Variants in PIP5K1B observed in about 807,000 individuals in gnomAD.
The protein encoded by PIP5K1B is phosphatidylinositol 4-phosphate 5-kinase type-1 beta.
Under a neutral mutation model 67.0 loss-of-function variants are expected in PIP5K1B, and 42 were observed. The observed-to-expected ratio is 0.63, with a 90% confidence interval of 0.49 to 0.81. The LOEUF is 0.81. Among genes scored for constraint, PIP5K1B ranks in the 30% least tolerant of loss-of-function variants. PIP5K1B has a pLI of 0.00. For synonymous variants in PIP5K1B, 214 were observed against 231.4 expected (o/e 0.92, Z 0.68); for missense variants, 459 against 646.3 (o/e 0.71, Z 3.14).
intron 14 of PIP5K1B, among the ~76,000 whole-genome samples, chr9:68,949,070 T>A (rs1267241281): frequency 6.6e-6 from 1 of 152,106 alleles, no homozygotes; most frequent in African/African-American, 2.4e-5. Context: ...GGAAAACTGT[T>A]GGCCAATTTT....
intron 2 of PIP5K1B, among the ~76,000 whole-genome samples, chr9:68,766,326 A>G (rs896033673): frequency 3.3e-5 from 5 of 152,216 alleles, no homozygotes; most frequent in African/African-American, 7.2e-5. Flanking sequence ...AAATGTATCT[A>G]TCTTTGATTT....
At chr9:68,986,191 C>A (rs1263806008) in intron 14 of PIP5K1B, among the ~76,000 whole-genome samples, 2 of 152,178 alleles carry the variant, frequency 1.3e-5, no homozygotes, top group African/African-American at 4.8e-5. Context: ...ACCGTTTTAT[C>A]AAATACATTC....
intron 2 of PIP5K1B, among the ~76,000 whole-genome samples, chr9:68,757,344 C>T (rs765893430): frequency 3.3e-5 from 5 of 152,142 alleles, no homozygotes; most frequent in Admixed American, 6.5e-5. Flanking sequence ...TGGAAGGTGG[C>T]TTAAAAGAAA....
chr9:68,848,519 T>C (rs1313389055), intron 4 of PIP5K1B, among the ~76,000 whole-genome samples: 1 of 152,228 alleles, frequency 6.6e-6, no homozygotes, highest in Non-Finnish European at 1.5e-5. Flanking sequence ...TTATTTGTTA[T>C]TGCAAAAGTA....
intron 2 of PIP5K1B, among the ~76,000 whole-genome samples, chr9:68,805,834 A>G (rs927532133): frequency 6.6e-6 from 1 of 152,226 alleles, no homozygotes; most frequent in Non-Finnish European, 1.5e-5. Flanking sequence ...AAAGAACTCA[A>G]GTGAATGCTG....
intron 1 of PIP5K1B, among the ~76,000 whole-genome samples, chr9:68,741,011 C>G (rs935652359): frequency 6.6e-6 from 1 of 152,190 alleles, no homozygotes; most frequent in Non-Finnish European, 1.5e-5. Flanking sequence ...ATTAGTATTT[C>G]TAAATGCCAT....
At chr9:68,924,815 A>G (rs10869538) in intron 12 of PIP5K1B, among the ~76,000 whole-genome samples, 30,045 of 151,946 alleles carry the variant, frequency 0.2, 3,538 homozygotes, top group African/African-American at 0.33. Context: ...AAAGTCAAAC[A>G]CTTGCAATGT....
intron 14 of PIP5K1B, among the ~76,000 whole-genome samples, chr9:68,956,424 G>A (rs1306980557): frequency 3.3e-5 from 5 of 152,172 alleles, no homozygotes; most frequent in Admixed American, 6.5e-5. Flanking sequence ...AGCCAAAATC[G>A]TGCCACTGCA....
intron 14 of PIP5K1B, among the ~76,000 whole-genome samples, chr9:68,968,241 C>T (rs1829142288): frequency 6.6e-6 from 1 of 152,104 alleles, no homozygotes; most frequent in Non-Finnish European, 1.5e-5. Context: ...GTTCTGGGGC[C>T]AGGCATGGTG....
At chr9:68,755,507 A>G (rs1829880919) in intron 2 of PIP5K1B, among the ~76,000 whole-genome samples, 1 of 152,244 alleles carries the variant, frequency 6.6e-6, no homozygotes, top group Admixed American at 6.5e-5. Context: ...CTGTATAAGT[A>G]ACACAAGATT....
intron 7 of PIP5K1B, among the ~76,000 whole-genome samples, chr9:68,890,407 C>T (rs1013987159): frequency 6.6e-6 from 1 of 152,164 alleles, no homozygotes; most frequent in African/African-American, 2.4e-5. Context: ...ATGAAGCTGT[C>T]TGGATTTCAG....
intron 8 of PIP5K1B, among the ~76,000 whole-genome samples, chr9:68,898,838 C>T (rs779327149): frequency 5.9e-5 from 9 of 152,232 alleles, no homozygotes; most frequent in Non-Finnish European, 1.3e-4. Context: ...GGTTATTCAT[C>T]ACCTGGAGTT....
At chr9:68,762,911 T>C (rs1830250109) in intron 2 of PIP5K1B, among the ~76,000 whole-genome samples, 1 of 152,140 alleles carries the variant, frequency 6.6e-6, no homozygotes, top group African/African-American at 2.4e-5. Context: ...GTAGTCTATA[T>C]GAGTGGTACC....
chr9:68,968,701 A>G (rs1829171132), intron 14 of PIP5K1B, among the ~76,000 whole-genome samples: 1 of 138,966 alleles, frequency 7.2e-6, no homozygotes, highest in Admixed American at 7.1e-5. Flanking sequence ...CCTTGTTTAT[A>G]TATATATATA....
intron 2 of PIP5K1B, chr9:68,780,976 C>T: frequency 6.2e-7 from 1 of 1,614,236 alleles, no homozygotes; most frequent in Non-Finnish European, 8.5e-7. Context: ...CCTGTGTCAC[C>T]TGCCCAAGCG....
chr9:68,714,802 A>G (rs1243902529), intron 1 of PIP5K1B, among the ~76,000 whole-genome samples: 1 of 152,220 alleles, frequency 6.6e-6, no homozygotes, highest in Non-Finnish European at 1.5e-5. Context: ...TGGAAACTCC[A>G]GTGTAGCTCT....
At chr9:68,722,949 G>A (rs569644491) in intron 1 of PIP5K1B, among the ~76,000 whole-genome samples, 24 of 151,798 alleles carry the variant, frequency 1.6e-4, no homozygotes, top group Middle Eastern at 3.4e-3. Flanking sequence ...TCATCCCCTC[G>A]TCTCCCCTAC....
At chr9:68,799,779 C>A (rs151259124) in intron 2 of PIP5K1B, among the ~76,000 whole-genome samples, 2 of 152,154 alleles carry the variant, frequency 1.3e-5, no homozygotes, top group African/African-American at 4.8e-5. Context: ...AACTGTGAAA[C>A]TCCTAGGAGA....
chr9:68,955,942 A>G (rs995830341), intron 14 of PIP5K1B, among the ~76,000 whole-genome samples: 2 of 152,236 alleles, frequency 1.3e-5, no homozygotes, highest in African/African-American at 2.4e-5. Context: ...GCACCCATCA[A>G]CCCTCTACGG....
Sources: gnomAD v4.1 joint callset for allele counts (sites outside exome capture counted in the v4.1 genomes callset) on GRCh38, gnomAD v4.1.1 for gene constraint, MANE v1.5 for transcripts, NCBI Gene and HGNC (gene_info 2026-07-23, HGNC 2026-07-21) for gene names.